The following APLF variants were observed in gnomAD, a reference collection of about 807,000 sequenced individuals.
The protein encoded by APLF is aprataxin and PNK-like factor.
APLF carries 61 observed loss-of-function variants against 55.6 expected under a neutral mutation model. The observed-to-expected ratio is 1.10, with a 90% CI of 0.89 to 1.36. The LOEUF is 1.36. Ranked by LOEUF, APLF falls within the 40% of genes most tolerant of loss-of-function variation. The pLI is 0.00. For missense variants in APLF, 611 were observed against 602.5 expected (o/e 1.01, Z -0.15); for synonymous variants, 207 against 214.8 (o/e 0.96, Z 0.32).
chr2:68,537,246 T>A (rs1670417828), intron 6 of APLF, among the ~76,000 whole-genome samples: 1 of 152,142 alleles, frequency 6.6e-6, no homozygotes, highest in South Asian at 2.1e-4. Context: ...TTAAGAGAAG[T>A]TAAAGATTCA....
chr2:68,519,910 T>G (rs946206866), intron 5 of APLF, among the ~76,000 whole-genome samples: 1 of 151,886 alleles, frequency 6.6e-6, no homozygotes. Flanking sequence ...CTGTAGTGGT[T>G]GTTCTATTTT....
intron 6 of APLF, among the ~76,000 whole-genome samples, chr2:68,536,986 GAAACCCCGTCTCTACTA>G (rs1388703445): frequency 6.6e-6 from 1 of 152,010 alleles, no homozygotes; most frequent in African/African-American, 2.4e-5. Flanking sequence ...GGCCAACAGT[GAAACCCCGTCTCTACTA>G]AAAATACAAA....
At chr2:68,517,269 TC>T (rs1169435878) in intron 5 of APLF, among the ~76,000 whole-genome samples, 4 of 107,340 alleles carry the variant, frequency 3.7e-5, no homozygotes, top group African/African-American at 1.6e-4. Context: ...TTAATATATG[TC>T]ATTACTATAT....
At chr2:68,564,596 T>A (rs911902586) in intron 8 of APLF, among the ~76,000 whole-genome samples, 5 of 152,098 alleles carry the variant, frequency 3.3e-5, no homozygotes, top group African/African-American at 1.2e-4. Flanking sequence ...AGACTTATTT[T>A]GCATTATCTC....
At chr2:68,519,139 T>TCA (rs909512075) in intron 5 of APLF, among the ~76,000 whole-genome samples, 1 of 130,788 alleles carries the variant, frequency 7.6e-6, no homozygotes, top group Non-Finnish European at 1.6e-5. Context: ...ATTTGACATT[T>TCA]TATATATATA....
chr2:68,549,891 A>G (rs938243614), intron 8 of APLF, among the ~76,000 whole-genome samples: 1 of 152,128 alleles, frequency 6.6e-6, no homozygotes, highest in East Asian at 1.9e-4. Flanking sequence ...TTTCTTCCAC[A>G]TATTGACTCT....
intron 6 of APLF, among the ~76,000 whole-genome samples, chr2:68,527,917 C>T (rs1670121940): frequency 6.7e-6 from 1 of 149,762 alleles, no homozygotes; most frequent in South Asian, 2.1e-4. Flanking sequence ...CTTTCAGAGG[C>T]ACTCCTCACT....
chr2:68,571,450 C>T (rs1016626808), intron 9 of APLF, among the ~76,000 whole-genome samples: 1 of 152,066 alleles, frequency 6.6e-6, no homozygotes, highest in Non-Finnish European at 1.5e-5. Flanking sequence ...AGTCTTTAAT[C>T]CATCTTGAAT....
intron 8 of APLF, among the ~76,000 whole-genome samples, chr2:68,548,005 C>T (rs72901992): frequency 6.6e-6 from 1 of 151,688 alleles, no homozygotes; most frequent in Non-Finnish European, 1.5e-5. Context: ...ATCAACTGTG[C>T]CTTTTGTTCC....
rs1669561049 is a variant in APLF, at chr2:68,515,716, T to A, written c.622+2036T>A. Reference sequence around the variant, plus strand: ...AAAATGCTAAAGCTTCAAAATAAGATAGAAGAGTCTTTGGATTCAGGTAAT... The same window carrying A: ...AAAATGCTAAAGCTTCAAAATAAGAAAGAAGAGTCTTTGGATTCAGGTAAT... On this transcript the variant is annotated intron_variant, in intron 5 of 9. Coordinates refer to ENST00000303795, the MANE Select transcript of APLF (RefSeq NM_173545.3). The A allele has an allele frequency of 3.0e-6, 3 of 983,634 alleles. No individual in the cohort carries two copies. The Admixed American group carries it at 1.9e-4, about 61-fold the overall frequency. The allele number at this position is 983,634 out of a possible 1,614,324, so 60.9% of individuals were successfully genotyped here.
At chr2:68,481,435 T>C (rs1420853326) in intron 1 of APLF, among the ~76,000 whole-genome samples, 1 of 152,180 alleles carries the variant, frequency 6.6e-6, no homozygotes, top group Non-Finnish European at 1.5e-5. Flanking sequence ...ATCATGCCAT[T>C]TTCTCAGCCT....
At position 68,538,070 on chromosome 2, in the gene APLF, T is replaced by G; in HGVS notation, c.1003T>G (p.Ser335Ala). 1 of 1,614,138 alleles carries G rather than the reference T, an allele frequency of 6.2e-7. No homozygotes were observed. The change falls in exon 7 of 10, where the codon TCA (serine) becomes GCA (alanine). Residue 335 changes from serine to alanine, a missense_variant. Coordinates refer to ENST00000303795, the MANE Select transcript of APLF (RefSeq NM_173545.3). ...AAATTGTTCGAGTGCCCAGGGCGAC[T>G]CACTTCAGGATGAGTCTCAAGGGTC... ...SENCSSAQGDSLQDESQGSHS... is the reference protein window; with the variant it reads ...SENCSSAQGDALQDESQGSHS...
intron 8 of APLF, among the ~76,000 whole-genome samples, chr2:68,566,569 G>A (rs949665343): frequency 1.3e-5 from 2 of 152,104 alleles, no homozygotes; most frequent in Non-Finnish European, 2.9e-5. Context: ...TGTCACCTCA[G>A]CACATATCTG....
intron 8 of APLF, chr2:68,563,195 T>C: frequency 1.0e-6 from 1 of 985,318 alleles, no homozygotes; most frequent in African/African-American, 1.7e-5. Flanking sequence ...GAGCACGTTC[T>C]AGGAAAGGAT....
chr2:68,570,533 A>G (rs1671429049), intron 9 of APLF, among the ~76,000 whole-genome samples: 3 of 151,188 alleles, frequency 2.0e-5, no homozygotes, highest in African/African-American at 7.3e-5. Flanking sequence ...TATAAGTGAG[A>G]ACATGTGGTG....
At chr2:68,497,204 C>T (rs1676575238) in intron 2 of APLF, among the ~76,000 whole-genome samples, 1 of 151,990 alleles carries the variant, frequency 6.6e-6, no homozygotes, top group Admixed American at 6.6e-5. Flanking sequence ...TGGAAAAAGG[C>T]AAAAGGGAAA....
At chr2:68,555,369 A>G (rs1214458617) in intron 8 of APLF, among the ~76,000 whole-genome samples, 1 of 152,240 alleles carries the variant, frequency 6.6e-6, no homozygotes, top group African/African-American at 2.4e-5. Context: ...CAGAGTAAAC[A>G]GACAACCCAC....
chr2:68,574,980 TGTC>T (rs1436633997), intron 9 of APLF, among the ~76,000 whole-genome samples: 8 of 152,210 alleles, frequency 5.3e-5, no homozygotes, highest in Admixed American at 4.6e-4. Context: ...TAAGCGCTGT[TGTC>T]TGAGCTAAGG....
At chr2:68,518,823 T>C (rs1231876026) in intron 5 of APLF, among the ~76,000 whole-genome samples, 1 of 126,240 alleles carries the variant, frequency 7.9e-6, no homozygotes, top group African/African-American at 3.1e-5. Context: ...AAAATATTAG[T>C]AATATATCAT....
Sources: allele counts gnomAD v4.1 joint callset (sites outside exome capture counted in the v4.1 genomes callset), GRCh38; gene constraint gnomAD v4.1.1; transcripts MANE v1.5; gene names NCBI Gene and HGNC (gene_info 2026-07-23, HGNC 2026-07-21).